CDH13: variants seen among roughly 807,000 people sequenced by gnomAD.
CDH13 encodes the protein cadherin-13.
Under a neutral mutation model 63.8 loss-of-function variants are expected in CDH13, and 24 were observed. That is an observed-to-expected ratio of 0.38 (90% CI 0.27 to 0.53). CDH13 has a LOEUF of 0.53. CDH13 is among the 20% of genes least tolerant of loss of function. The probability of loss-of-function intolerance (pLI) is 0.85; values close to 1 mark genes in which losing one functional copy is unlikely to be tolerated. For missense variants in CDH13, 1,049 were observed against 903.1 expected (o/e 1.16, Z -2.07); for synonymous variants, 503 against 355.3 (o/e 1.42, Z -4.67).
chr16:83,623,461 C>T (rs1168846356), intron 8 of CDH13, among the ~76,000 whole-genome samples: 1 of 152,204 alleles, frequency 6.6e-6, no homozygotes, highest in Non-Finnish European at 1.5e-5. Flanking sequence ...TGAGGGCAGA[C>T]AGAGCTTCAC....
At chr16:83,507,845 C>G (rs944568478) in intron 7 of CDH13, among the ~76,000 whole-genome samples, 3 of 77,472 alleles carry the variant, frequency 3.9e-5, no homozygotes, top group African/African-American at 1.0e-4. Flanking sequence ...CCAGCCTGGC[C>G]AACATAGTAA....
intron 1 of CDH13, among the ~76,000 whole-genome samples, chr16:82,669,745 C>T (rs917271578): frequency 3.9e-5 from 6 of 152,262 alleles, no homozygotes; most frequent in South Asian, 2.1e-4. Flanking sequence ...TATAATTGGA[C>T]GGAACCATTT....
chr16:82,975,112 C>A (rs948420940), intron 2 of CDH13, among the ~76,000 whole-genome samples: 2 of 152,328 alleles, frequency 1.3e-5, no homozygotes, highest in African/African-American at 4.8e-5. Context: ...AAAGCATAAA[C>A]AAGTCTTGAA....
At chr16:83,706,758 T>C (rs1036911263) in intron 10 of CDH13, among the ~76,000 whole-genome samples, 3 of 152,174 alleles carry the variant, frequency 2.0e-5, no homozygotes, top group African/African-American at 7.2e-5. Context: ...GCTTCAGGAA[T>C]GCCGGAAAAA....
chr16:83,168,956 C>A (rs1194734441), intron 4 of CDH13, among the ~76,000 whole-genome samples: 1 of 152,082 alleles, frequency 6.6e-6, no homozygotes, highest in African/African-American at 2.4e-5. Context: ...TTACTTTAAA[C>A]AATTCTGTGA....
intron 2 of CDH13, among the ~76,000 whole-genome samples, chr16:82,862,416 C>G (rs1443050512): frequency 1.3e-5 from 2 of 152,164 alleles, no homozygotes; most frequent in Non-Finnish European, 2.9e-5. Context: ...TTTTTTCCAG[C>G]AAATGGAAAA....
chr16:83,494,693 A>G (rs144131134), intron 7 of CDH13, among the ~76,000 whole-genome samples: 1 of 152,338 alleles, frequency 6.6e-6, no homozygotes, highest in East Asian at 1.9e-4. Flanking sequence ...CAGAGAGGCA[A>G]TCAAAAGCTG....
At chr16:82,797,673 A>G (rs564608959) in intron 1 of CDH13, among the ~76,000 whole-genome samples, 6 of 152,234 alleles carry the variant, frequency 3.9e-5, no homozygotes, top group African/African-American at 1.4e-4. Context: ...ATTCAGGCTC[A>G]TATACTAATT....
At chr16:83,656,248 A>G (rs532928644) in intron 8 of CDH13, among the ~76,000 whole-genome samples, 35 of 151,944 alleles carry the variant, frequency 2.3e-4, no homozygotes, top group African/African-American at 8.4e-4. Flanking sequence ...TCAAAAGATG[A>G]CTCCTGCATT....
chr16:82,869,403 G>C (rs1326873198), intron 2 of CDH13, among the ~76,000 whole-genome samples: 1 of 151,802 alleles, frequency 6.6e-6, no homozygotes, highest in Non-Finnish European at 1.5e-5. Flanking sequence ...AAGTGCGGAA[G>C]GGGTAGAACA....
intron 10 of CDH13, among the ~76,000 whole-genome samples, chr16:83,739,518 G>A (rs938183077): frequency 1.3e-5 from 2 of 151,922 alleles, no homozygotes; most frequent in Non-Finnish European, 2.9e-5. Context: ...GGCCTTCCTG[G>A]CAAATCACTG....
intron 2 of CDH13, among the ~76,000 whole-genome samples, chr16:82,978,551 G>A (rs1195693148): frequency 6.6e-6 from 1 of 152,228 alleles, no homozygotes; most frequent in Non-Finnish European, 1.5e-5. Flanking sequence ...GCTAAAAGAG[G>A]CCAAGGTACA....
chr16:83,243,812 C>T (rs937920257), intron 5 of CDH13, among the ~76,000 whole-genome samples: 2 of 152,118 alleles, frequency 1.3e-5, no homozygotes, highest in African/African-American at 4.8e-5. Context: ...GAGATCTTAG[C>T]CTCAGTGAAA....
intron 7 of CDH13, among the ~76,000 whole-genome samples, chr16:83,496,805 A>C (rs1486370034): frequency 6.6e-6 from 1 of 152,316 alleles, no homozygotes; most frequent in South Asian, 2.1e-4. Context: ...AACTCAAACA[A>C]ATTTACAAGA....
intron 3 of CDH13, among the ~76,000 whole-genome samples, chr16:83,068,722 A>G (rs2032215148): frequency 6.6e-6 from 1 of 152,210 alleles, no homozygotes; most frequent in Admixed American, 6.5e-5. Flanking sequence ...CAGTTGGCAT[A>G]AAAAGGTTGG....
At chr16:82,761,939 A>G (rs2034872509) in intron 1 of CDH13, among the ~76,000 whole-genome samples, 1 of 152,240 alleles carries the variant, frequency 6.6e-6, no homozygotes, top group Non-Finnish European at 1.5e-5. Flanking sequence ...GTTTACACTG[A>G]GTTTTCACAG....
At chr16:83,370,499 G>A (rs772283845) in intron 6 of CDH13, among the ~76,000 whole-genome samples, 1 of 150,538 alleles carries the variant, frequency 6.6e-6, no homozygotes. Context: ...AGGGGTACAT[G>A]TGCAGGTTTG....
chr16:82,700,951 A>ACCACCCCCCCCCCCCCCCCCCCCCCCC (rs1567641690), intron 1 of CDH13, among the ~76,000 whole-genome samples: 1 of 13,806 alleles, frequency 7.2e-5, no homozygotes, highest in Non-Finnish European at 2.1e-4. Context: ...AAGTGCTGGA[A>ACCACCCCCCCCCCCCCCCCCCCCCCCC]CCCGCCCCCC....
chr16:83,603,684 G>A (rs1908062672), intron 8 of CDH13, among the ~76,000 whole-genome samples: 1 of 152,102 alleles, frequency 6.6e-6, no homozygotes, highest in Non-Finnish European at 1.5e-5. Context: ...GGCTACCCAG[G>A]GTGGCTTGAG....
Sources: allele counts gnomAD v4.1 joint callset (sites outside exome capture counted in the v4.1 genomes callset), GRCh38; gene constraint gnomAD v4.1.1; transcripts MANE v1.5; gene names NCBI Gene and HGNC (gene_info 2026-07-23, HGNC 2026-07-21).